Variants in ASXL3 observed in about 807,000 individuals in gnomAD.
The protein encoded by ASXL3 is putative Polycomb group protein ASXL3.
In ASXL3, 34 loss-of-function variants were observed where a neutral mutation model predicts 170.6. The ratio of observed to expected loss-of-function variants is 0.20; its 90% CI spans 0.15 to 0.27. The LOEUF (loss-of-function observed/expected upper bound fraction) is 0.27. Ranked by LOEUF, ASXL3 falls within the 10% of genes least tolerant of loss-of-function variation. The pLI is 1.00. For missense variants in ASXL3, 2,592 were observed against 2,695.3 expected, an observed-to-expected ratio of 0.96 and a Z score of 0.85; for synonymous variants, 1,002 against 989.1, an observed-to-expected ratio of 1.01 and a Z score of -0.24.
intron 8 of ASXL3, among the ~76,000 whole-genome samples, chr18:33,684,870 GA>G (rs1216759653): frequency 6.6e-6 from 1 of 152,140 alleles, no homozygotes; most frequent in African/African-American, 2.4e-5. Flanking sequence ...TTGAGATATA[GA>G]GGTAGAATTT....
chr18:33,738,482 T>G lies in ASXL3; in HGVS notation c.1083-5T>G. 1 of 1,589,646 alleles carries G rather than the reference T, an allele frequency of 6.3e-7. No individual in the cohort carries two copies. Among genetic ancestry groups the G allele is most frequent in the Non-Finnish European group, 8.6e-7 (1 of 1,168,354 alleles). On this transcript the variant is annotated splice_polypyrimidine_tract_variant and splice_region_variant and intron_variant, in intron 10 of 11. Coordinates refer to ENST00000269197, the MANE Select transcript of ASXL3 (RefSeq NM_030632.3). ...AGCAATAATTTATTTCTAATTTCTGTACAGGCTGGGCATGTCAAGAGAGGA... is the reference window on the plus strand; with the variant it reads ...AGCAATAATTTATTTCTAATTTCTGGACAGGCTGGGCATGTCAAGAGAGGA...
chr18:33,654,040 G>A (rs935471994), intron 4 of ASXL3, among the ~76,000 whole-genome samples: 1 of 151,806 alleles, frequency 6.6e-6, no homozygotes, highest in Non-Finnish European at 1.5e-5. Flanking sequence ...CTTCATTCCT[G>A]TCTAGATGGA....
Position 33,739,054 on chromosome 18 carries a change from G to T in ASXL3, c.1650G>T (p.Met550Ile). The change falls in exon 11 of 12, where the codon ATG becomes ATT. Residue 550 changes from methionine (M) to isoleucine (I), a missense_variant. Met to Ile is a conservative substitution (Grantham distance 10). Transcript: ENST00000269197. ...CTCTTATTCCTTCCACTTCATCTAT[G>T]ACTCATGTCAGTGACACAGAACATA... ...CDSLIPSTSS[M>I]THVSDTEHKE... is the part of the protein sequence containing the mutation. The T allele has an allele frequency of 6.2e-7, 1 of 1,613,366 alleles. No individual in the cohort carries two copies. The highest frequency in any genetic ancestry group is 1.1e-5 in the South Asian group (1 of 90,952).
chr18:33,689,006 T>TG (rs962682959), intron 8 of ASXL3, among the ~76,000 whole-genome samples: 2 of 151,842 alleles, frequency 1.3e-5, no homozygotes, highest in African/African-American at 4.8e-5. Flanking sequence ...TTTTTATCTT[T>TG]TTTTTTTGAT....
At chr18:33,663,735 A>G (rs1440313261) in intron 5 of ASXL3, among the ~76,000 whole-genome samples, 1 of 152,140 alleles carries the variant, frequency 6.6e-6, no homozygotes, top group African/African-American at 2.4e-5. Flanking sequence ...GATTGGAAAT[A>G]TATTTAGAAG....
At chr18:33,703,772 A>C (rs2066917001) in intron 8 of ASXL3, among the ~76,000 whole-genome samples, 1 of 152,134 alleles carries the variant, frequency 6.6e-6, no homozygotes, top group African/African-American at 2.4e-5. Flanking sequence ...TAAGTGACAC[A>C]GATTCTTGCA....
chr18:33,670,847 A>G, intron 6 of ASXL3, 57 bp downstream of exon 6: 1 of 1,153,878 alleles, frequency 8.7e-7, no homozygotes. Context: ...AGACTTCCTC[A>G]CTGAAAGAGA....
intron 1 of ASXL3, among the ~76,000 whole-genome samples, chr18:33,598,914 AT>A (rs2065155788): frequency 6.6e-6 from 1 of 152,184 alleles, no homozygotes; most frequent in African/African-American, 2.4e-5. Context: ...ACTCCTTTGT[AT>A]CTTCATTAAT....
At chr18:33,637,864 C>T (rs1267884312) in intron 2 of ASXL3, among the ~76,000 whole-genome samples, 1 of 152,100 alleles carries the variant, frequency 6.6e-6, no homozygotes, top group African/African-American at 2.4e-5. Flanking sequence ...CAGCATGCCT[C>T]AAGGCTGCCT....
chr18:33,647,156 A>T (rs1041460609), intron 4 of ASXL3, among the ~76,000 whole-genome samples: 2 of 152,066 alleles, frequency 1.3e-5, no homozygotes, highest in African/African-American at 4.8e-5. Flanking sequence ...CAAACCTTAA[A>T]GGATGTTTGC....
At chr18:33,593,258 C>CTCT (rs2065094688) in intron 1 of ASXL3, among the ~76,000 whole-genome samples, 1 of 87,934 alleles carries the variant, frequency 1.1e-5, no homozygotes, top group African/African-American at 4.5e-5. Context: ...CTATGCCCAC[C>CTCT]TTTTTTTTTT....
At chr18:33,663,150 T>TA (rs1335167952) in intron 5 of ASXL3, among the ~76,000 whole-genome samples, 2 of 151,984 alleles carry the variant, frequency 1.3e-5, no homozygotes, top group East Asian at 1.9e-4. Context: ...ATTGATGAAA[T>TA]AAAAAACAGC....
At chr18:33,689,351 A>G (rs1400241329) in intron 8 of ASXL3, among the ~76,000 whole-genome samples, 1 of 152,242 alleles carries the variant, frequency 6.6e-6, no homozygotes, top group Non-Finnish European at 1.5e-5. Context: ...CAGTGTAACC[A>G]GTGAAAATCA....
At chr18:33,650,158 A>G (rs749212650) in intron 4 of ASXL3, among the ~76,000 whole-genome samples, 3 of 152,174 alleles carry the variant, frequency 2.0e-5, no homozygotes, top group Non-Finnish European at 4.4e-5. Flanking sequence ...ACAGACAATT[A>G]TAGTAGAACT....
chr18:33,652,891 A>G (rs1568306257), intron 4 of ASXL3, among the ~76,000 whole-genome samples: 1 of 152,154 alleles, frequency 6.6e-6, no homozygotes, highest in East Asian at 1.9e-4. Flanking sequence ...TATAATCTCA[A>G]TTGAGACATC....
At chr18:33,615,892 A>G (rs1404898197) in intron 2 of ASXL3, among the ~76,000 whole-genome samples, 1 of 152,038 alleles carries the variant, frequency 6.6e-6, no homozygotes, top group Non-Finnish European at 1.5e-5. Flanking sequence ...GGCCGTTTTT[A>G]TATACATTTG....
At chr18:33,741,972 G>A (rs1345877119) in intron 11 of ASXL3, among the ~76,000 whole-genome samples, 1 of 152,166 alleles carries the variant, frequency 6.6e-6, no homozygotes, top group Non-Finnish European at 1.5e-5. Flanking sequence ...TCATGAATTT[G>A]GTGATGACTC....
intron 8 of ASXL3, among the ~76,000 whole-genome samples, chr18:33,693,231 G>T (rs984324954): frequency 2.6e-5 from 4 of 152,122 alleles, no homozygotes; most frequent in African/African-American, 9.7e-5. Context: ...TTGTGCATTT[G>T]AGAATAGCAA....
At chr18:33,730,633 A>G (rs1344298993) in intron 8 of ASXL3, among the ~76,000 whole-genome samples, 3 of 152,188 alleles carry the variant, frequency 2.0e-5, no homozygotes, top group African/African-American at 7.2e-5. Flanking sequence ...GTAACTGTAC[A>G]TCAGTCATGC....
Sources: allele counts gnomAD v4.1 joint callset (sites outside exome capture counted in the v4.1 genomes callset), GRCh38; gene constraint gnomAD v4.1.1; transcripts MANE v1.5; gene names NCBI Gene and HGNC (gene_info 2026-07-23, HGNC 2026-07-21).